The following ZNF678 variants were observed in gnomAD, a reference collection of about 807,000 sequenced individuals.
ZNF678 encodes the protein zinc finger protein 678.
In ZNF678, 5 loss-of-function variants were observed where a neutral mutation model predicts 3.0. That is an observed-to-expected ratio of 1.69 (90% CI 0.88 to 3.56). The LOEUF (loss-of-function observed/expected upper bound fraction) is 3.56. ZNF678 is among the 30% of genes most tolerant of loss of function. The pLI is 0.00. For missense variants in ZNF678, 593 were observed against 605.0 expected, an observed-to-expected ratio of 0.98 and a Z score of 0.21; for synonymous variants, 218 against 199.6, an observed-to-expected ratio of 1.09 and a Z score of -0.78.
At chr1:227,653,919 AAAGCCAG>A (rs1659149054) in intron 3 of ZNF678, among the ~76,000 whole-genome samples, 1 of 152,052 alleles carries the variant, frequency 6.6e-6, no homozygotes, top group Admixed American at 6.6e-5. Flanking sequence ...AAAGCCCCTA[AAAGCCAG>A]AAGTATGGGC....
intron 1 of ZNF678, among the ~76,000 whole-genome samples, chr1:227,569,283 C>T (rs1046352055): frequency 2.6e-5 from 4 of 152,184 alleles, no homozygotes; most frequent in Non-Finnish European, 5.9e-5. Flanking sequence ...AACCCCCATG[C>T]CTGATCGGGA....
At chr1:227,625,097 ATTTC>A (rs1217515849) in intron 1 of ZNF678, among the ~76,000 whole-genome samples, 22 of 152,284 alleles carry the variant, frequency 1.4e-4, no homozygotes, top group Non-Finnish European at 2.2e-4. Flanking sequence ...ATGATTGACT[ATTTC>A]TTTATCTCCC....
At chr1:227,617,657 G>T (rs531924549) in intron 1 of ZNF678, among the ~76,000 whole-genome samples, 1 of 152,290 alleles carries the variant, frequency 6.6e-6, no homozygotes, top group South Asian at 2.1e-4. Context: ...ATACTATGGC[G>T]TATCAGTTCA....
At chr1:227,614,612 A>G (rs1421945300) in intron 1 of ZNF678, among the ~76,000 whole-genome samples, 1 of 152,212 alleles carries the variant, frequency 6.6e-6, no homozygotes, top group Non-Finnish European at 1.5e-5. Flanking sequence ...GCTTTTGTTC[A>G]GACCCCTCTT....
At chr1:227,609,999 C>G (rs1651827880) in intron 1 of ZNF678, among the ~76,000 whole-genome samples, 1 of 152,134 alleles carries the variant, frequency 6.6e-6, no homozygotes, top group Non-Finnish European at 1.5e-5. Flanking sequence ...TCCCAAAGTG[C>G]TCAGATTACA....
chr1:227,654,453 A>G lies in ZNF678; in HGVS notation c.203A>G (p.Lys68Arg). ...SWGLDNLHLV[K>R]DWRTVNEGKG... Reference sequence around the variant, plus strand: ...GGCCTTGACAATTTGCACTTAGTGAAAGACTGGAGAACTGTGAATGAAGGT... The same window carrying G: ...GGCCTTGACAATTTGCACTTAGTGAGAGACTGGAGAACTGTGAATGAAGGT... Residue 68 changes from lysine to arginine, a missense_variant, in exon 4 of 4, where the codon AAA (lysine) becomes AGA (arginine). Physicochemically the swap from Lys to Arg is conservative, Grantham distance 26. Coordinates refer to ENST00000343776, the MANE Select transcript of ZNF678 (RefSeq NM_001367909.1). The G allele has an allele frequency of 6.2e-7, 1 of 1,613,218 alleles. No homozygotes were observed. The highest frequency in any genetic ancestry group is 8.5e-7 in the Non-Finnish European group (1 of 1,179,442).
At chr1:227,596,500 G>T (rs1164716150) in intron 1 of ZNF678, among the ~76,000 whole-genome samples, 3 of 152,158 alleles carry the variant, frequency 2.0e-5, no homozygotes, top group African/African-American at 7.2e-5. Context: ...AACATAACCA[G>T]TTGGGTCAGG....
intron 1 of ZNF678, among the ~76,000 whole-genome samples, chr1:227,601,279 C>T (rs1657730836): frequency 6.6e-6 from 1 of 151,994 alleles, no homozygotes; most frequent in African/African-American, 2.4e-5. Flanking sequence ...AATGTCATTG[C>T]TAGTTTGTTA....
At chr1:227,602,975 C>T (rs1657772468) in intron 1 of ZNF678, among the ~76,000 whole-genome samples, 1 of 152,116 alleles carries the variant, frequency 6.6e-6, no homozygotes, top group African/African-American at 2.4e-5. Context: ...CCACTGTGCC[C>T]CAGCCTGGGC....
In ZNF678 at chr1:227,655,998, T is replaced by C; in HGVS notation, c.*170T>C. 2.0e-6 allele frequency: 1 copy of C among 502,432 alleles called. No homozygotes were observed. The highest frequency in any genetic ancestry group is 3.3e-6 in the Non-Finnish European group (1 of 305,800). 31.1% of individuals were successfully genotyped at this position (502,432 alleles called of 1,614,324 possible). A position where few individuals can be genotyped will look rare whatever the true frequency, so the allele number is the denominator to read the frequency against. On this transcript the variant is annotated 3_prime_UTR_variant, in exon 4 of 4. Transcript: ENST00000343776. The stretch of plus-strand genomic sequence containing the variant: ...TACAATATCTTTATTTCAAAGATCT[T>C]CCTGTAAACAGAATCTGTACTAGAG...
rs575395450 is a variant in ZNF678, at chr1:227,644,644, T to C, written c.-163-1900T>C. 3.3e-5 allele frequency among the ~76,000 whole-genome samples: 5 copies of C among 152,322 alleles called. No homozygotes were observed. In the South Asian group the frequency reaches 1.0e-3, roughly 32 times the overall value. On this transcript the variant is annotated intron_variant, in intron 1 of 3. Coordinates refer to ENST00000343776, the MANE Select transcript of ZNF678 (RefSeq NM_001367909.1). ...GGGACTTCTTACAGAAGCCAGTTAA[T>C]AGACCTCTTCCAAACCTACAGAATC...
At position 227,646,642 on chromosome 1, in the gene ZNF678, C is replaced by A. The variant is rs766483295; in HGVS notation, c.-65C>A. The A allele has an allele frequency of 7.3e-7, 1 of 1,372,166 alleles. No individual in the cohort carries two copies. The highest frequency in any genetic ancestry group is 1.5e-5 in the African/African-American group (1 of 67,760). The allele number at this position is 1,372,166 out of a possible 1,614,324, so 85.0% of individuals were successfully genotyped here. ...GAAATTTGTATAGGGATGTGATGTT[C>A]GAGAACTACAGAAACCTGGTCTCCC... On this transcript the variant is annotated 5_prime_UTR_variant, in exon 2 of 4. Transcript: ENST00000343776.
At chr1:227,669,681 A>T (rs555791480) in intron 5 of ZNF678, among the ~76,000 whole-genome samples, 1 of 152,082 alleles carries the variant, frequency 6.6e-6, no homozygotes, top group Non-Finnish European at 1.5e-5. Flanking sequence ...CACCGGTCAG[A>T]ATAGCTATTA....
intron 1 of ZNF678, among the ~76,000 whole-genome samples, chr1:227,643,507 ATTTC>A (rs956348993): frequency 2.6e-5 from 4 of 152,082 alleles, no homozygotes; most frequent in Non-Finnish European, 5.9e-5. Context: ...CCACCCTGGC[ATTTC>A]CCCTCACGCA....
At chr1:227,639,086 G>T (rs1020376874) in intron 1 of ZNF678, among the ~76,000 whole-genome samples, 6 of 152,074 alleles carry the variant, frequency 3.9e-5, no homozygotes, top group African/African-American at 1.4e-4. Context: ...AGGGATGGGG[G>T]CGGTCCTTGC....
chr1:227,655,057 A>G lies in ZNF678; in HGVS notation c.807A>G (p.Glu269=). The stretch of plus-strand genomic sequence containing the variant: ...GAGAGAAACCTTACAAGTGTGAAGA[A>G]TGTGGCAACGTTTTTAATGAGTGCT... The part of the protein sequence containing the change: ...HTGEKPYKCE[E]CGNVFNECSH... Residue 269 remains glutamate (E), a synonymous_variant, in exon 4 of 4, where the codon GAA becomes GAG. Transcript: ENST00000343776. 6.2e-7 allele frequency: 1 copy of G among 1,612,410 alleles called. No individual in the cohort carries two copies. Among genetic ancestry groups the G allele is most frequent in the Non-Finnish European group, 8.5e-7 (1 of 1,179,350 alleles).
At chr1:227,565,019 C>A (rs1293338266) in intron 1 of ZNF678, among the ~76,000 whole-genome samples, 1 of 150,344 alleles carries the variant, frequency 6.7e-6, no homozygotes, top group Non-Finnish European at 1.5e-5. Flanking sequence ...AGGCGTGAGC[C>A]ACCACGCCTG....
At chr1:227,597,534 T>C (rs2102745859) in intron 1 of ZNF678, among the ~76,000 whole-genome samples, 1 of 152,304 alleles carries the variant, frequency 6.6e-6, no homozygotes, top group Non-Finnish European at 1.5e-5. Context: ...ATAATTCCTC[T>C]CCCAAGCCAA....
At chr1:227,596,189 C>T (rs1657583139) in intron 1 of ZNF678, among the ~76,000 whole-genome samples, 1 of 152,308 alleles carries the variant, frequency 6.6e-6, no homozygotes. Context: ...AGGGATGTTC[C>T]ACAGGGCAGG....
Sources: allele counts gnomAD v4.1 joint callset (sites outside exome capture counted in the v4.1 genomes callset), GRCh38; gene constraint gnomAD v4.1.1; transcripts MANE v1.5; gene names NCBI Gene and HGNC (gene_info 2026-07-23, HGNC 2026-07-21).